Variants in SLC8B1 observed in about 807,000 individuals in gnomAD.
The protein encoded by SLC8B1 is solute carrier family 8 member B1, also known as mitochondrial sodium/calcium exchanger protein.
In SLC8B1, 52 loss-of-function variants were observed where a neutral mutation model predicts 63.4. The observed-to-expected ratio is 0.82, with a 90% CI of 0.66 to 1.03. SLC8B1 has a LOEUF of 1.03. Among genes scored for constraint, SLC8B1 ranks in the 50% least tolerant of loss-of-function variants. The probability of loss-of-function intolerance (pLI) is 0.00; values close to 1 mark genes in which losing one functional copy is unlikely to be tolerated. For synonymous variants in SLC8B1, 336 were observed against 323.9 expected, an observed-to-expected ratio of 1.04 and a Z score of -0.40; for missense variants, 657 against 741.7, an observed-to-expected ratio of 0.89 and a Z score of 1.33.
In SLC8B1 at chr12:113,334,678, C is replaced by T. The variant is rs1417818345; in HGVS notation, c.-318G>A. The stretch of plus-strand genomic sequence containing the variant: ...GCCGACGCGGTATACAATAAGAGCT[C>T]AATAAATGTTCGCGTCCCTGATGTC... On this transcript the variant is annotated 5_prime_UTR_variant, in exon 1 of 16. Transcript: ENST00000680972. 2 of 152,236 alleles carry T rather than the reference C, an allele frequency of 1.3e-5. No individual in the cohort carries two copies. The highest frequency in any genetic ancestry group is 2.9e-5 in the Non-Finnish European group (2 of 68,038). 9.4% of individuals were successfully genotyped at this position (152,236 alleles called of 1,614,324 possible). A position where few individuals can be genotyped will look rare whatever the true frequency, so the allele number is the denominator to read the frequency against.
At position 113,315,416 on chromosome 12, in the gene SLC8B1, G is replaced by A. The variant is rs1956821594; in HGVS notation, c.1054C>T (p.Gln352Ter). 1.3e-6 allele frequency: 2 copies of A among 1,594,818 alleles called. No individual in the cohort carries two copies. The highest frequency in any genetic ancestry group is 8.5e-7 in the Non-Finnish European group (1 of 1,171,014). The part of the protein sequence containing the change: ...VPVVDPDKDD[Q>*]NWKRPLNCLH... The stretch of plus-strand genomic sequence containing the variant: ...CAGTTGAGGGGCCGTTTCCAGTTCT[G>A]GTCATCCTTGTCCGGGTCCACGACG... Residue 352 changes from glutamine to a stop codon, truncating the protein, a stop_gained, in exon 11 of 16, where the codon CAG becomes TAG. Coordinates refer to ENST00000680972, the MANE Select transcript of SLC8B1 (RefSeq NM_001358345.2). LOFTEE classifies it high-confidence loss of function.
At chr12:113,303,059 C>T (rs868025359) in intron 15 of SLC8B1, among the ~76,000 whole-genome samples, 2 of 143,304 alleles carry the variant, frequency 1.4e-5, no homozygotes, top group African/African-American at 5.5e-5. Context: ...GGTAGACACA[C>T]ACACACACAC....
chr12:113,321,066 C>T lies in SLC8B1; in HGVS notation c.352G>A (p.Ala118Thr), dbSNP rs369418228. 115 of 1,612,850 alleles carry T rather than the reference C, an allele frequency of 7.1e-5. No homozygotes were observed. The highest frequency in any genetic ancestry group is 1.7e-4 in the Admixed American group (10 of 59,754). The change falls in exon 4 of 16, where the codon GCA becomes ACA. Residue 118 changes from alanine (A) to threonine (T), a missense_variant. Ala to Thr is a moderately conservative substitution (Grantham distance 58). Coordinates refer to ENST00000680972, the MANE Select transcript of SLC8B1 (RefSeq NM_001358345.2). Reference sequence around the variant, plus strand: ...CAGAGCCAAACTCACAACTTGGCTGCGGTGACTCCCAGAATCAGAAACAGG... The same window carrying T: ...CAGAGCCAAACTCACAACTTGGCTGTGGTGACTCCCAGAATCAGAAACAGG... The part of the protein sequence containing the change: ...LYLFLILGVT[A>T]AKFFCPNLSA...
intron 11 of SLC8B1, 104 bp downstream of exon 11, chr12:113,315,231 A>C: frequency 8.2e-7 from 1 of 1,215,738 alleles, no homozygotes. Flanking sequence ...GGGAGGTTGC[A>C]GTGAGCTGAG....
At chr12:113,324,610 T>C (rs1220673538) in intron 2 of SLC8B1, among the ~76,000 whole-genome samples, 1 of 152,042 alleles carries the variant, frequency 6.6e-6, no homozygotes, top group Admixed American at 6.6e-5. Context: ...TTTCACCACG[T>C]TGGCCAGGCT....
rs573322633 is a variant in SLC8B1, at chr12:113,304,265, C to T, written c.1557+56G>A. Reference sequence around the variant, plus strand: ...CAAAGCCAGGGCCTTCCTGCCCCTTCCCCATCAAGCTACATCTTGGTTATA... The same window carrying T: ...CAAAGCCAGGGCCTTCCTGCCCCTTTCCCATCAAGCTACATCTTGGTTATA... On this transcript the variant is annotated intron_variant, in intron 15 of 15. Transcript: ENST00000680972. 4.5e-6 allele frequency: 7 copies of T among 1,542,322 alleles called. No homozygotes were observed. The East Asian group carries it at 9.0e-5, about 20-fold the overall frequency.
intron 1 of SLC8B1, among the ~76,000 whole-genome samples, chr12:113,333,743 C>G (rs937867013): frequency 2.6e-5 from 4 of 152,114 alleles, no homozygotes; most frequent in African/African-American, 9.7e-5. Flanking sequence ...GAGTCTCACT[C>G]TGTTACCCAA....
chr12:113,310,238 T>G lies in SLC8B1; in HGVS notation c.1253A>C (p.His418Pro). The G allele has an allele frequency of 6.2e-7, 1 of 1,613,602 alleles. No homozygotes were observed. Among genetic ancestry groups the G allele is most frequent in the Non-Finnish European group, 8.5e-7 (1 of 1,179,822 alleles). Reference protein sequence around the residue: ...ATSDSQPPRLHWLFAFLGFLT... With the variant: ...ATSDSQPPRLPWLFAFLGFLT... ...CGGAGAACCCGGGCTTCTTACCCAG[T>G]GAAGCCTGGGGGGCTGGCTGTCAGA... The change falls in exon 12 of 16, where the codon CAC becomes CCC. Residue 418 changes from histidine to proline, a missense_variant. By Grantham distance (77) the His-to-Pro change is moderately conservative. Coordinates refer to ENST00000680972, the MANE Select transcript of SLC8B1 (RefSeq NM_001358345.2).
chr12:113,324,455 G>GGA (rs1219271663), intron 2 of SLC8B1, among the ~76,000 whole-genome samples: 3 of 136,256 alleles, frequency 2.2e-5, no homozygotes, highest in African/African-American at 8.5e-5. Flanking sequence ...CACCCAGGCT[G>GGA]GAGTACAATA....
In SLC8B1 at chr12:113,320,508, G is replaced by A. The variant is rs765738794; in HGVS notation, c.527-10C>T. ...ACCAGCACGCCAGCGCCTGGGGGGA[G>A]GAGGCCAGAGCTCAGCCACCCTGCA... On this transcript the variant is annotated splice_polypyrimidine_tract_variant and intron_variant, in intron 6 of 15. Transcript: ENST00000680972. The surrounding 1 kb of genome is among the most constrained non-coding windows in gnomAD (Gnocchi z 5.3). 8 of 1,613,882 alleles carry A rather than the reference G, an allele frequency of 5.0e-6. No homozygotes were observed. The highest frequency in any genetic ancestry group is 1.7e-5 in the Admixed American group (1 of 59,998).
chr12:113,333,022 G>A, intron 1 of SLC8B1, 62 bp from the exon 2 acceptor site: 1 of 1,022,976 alleles, frequency 9.8e-7, no homozygotes, highest in South Asian at 1.7e-5. Context: ...ACAGCAAAAG[G>A]GGCTGGAAGA....
intron 15 of SLC8B1, chr12:113,302,731 G>C: frequency 2.2e-6 from 1 of 454,060 alleles, no homozygotes; most frequent in Non-Finnish European, 4.4e-6. Flanking sequence ...AACTGACAGA[G>C]TAAGTGACAG....
intron 8 of SLC8B1, among the ~76,000 whole-genome samples, chr12:113,317,899 T>A (rs1338914804): frequency 2.0e-5 from 3 of 152,110 alleles, no homozygotes; most frequent in South Asian, 2.1e-4. Context: ...TTTTGTGTTG[T>A]GTATGGCATG....
rs112138870 is a variant in SLC8B1, at chr12:113,309,928, A to G, written c.1257+306T>C. 4.7e-3 allele frequency among the ~76,000 whole-genome samples: 715 copies of G among 152,200 alleles called. 8 individuals are homozygous for G. The highest frequency in any genetic ancestry group is 0.016 in the African/African-American group (656 of 41,506). On this transcript the variant is annotated intron_variant, in intron 12 of 15. Coordinates refer to ENST00000680972, the MANE Select transcript of SLC8B1 (RefSeq NM_001358345.2). ...CTTTTTGGGGTGATGAAATTCTCTAAAATTGATTGTGATGATTCCACAACT... is the reference window on the plus strand; with the variant it reads ...CTTTTTGGGGTGATGAAATTCTCTAGAATTGATTGTGATGATTCCACAACT...
intron 2 of SLC8B1, among the ~76,000 whole-genome samples, chr12:113,331,260 G>A (rs1957050607): frequency 6.6e-6 from 1 of 151,966 alleles, no homozygotes; most frequent in Admixed American, 6.6e-5. Context: ...GTGGTGGTGT[G>A]CACCTGTAAT....
intron 14 of SLC8B1, among the ~76,000 whole-genome samples, chr12:113,304,864 A>C (rs1159884766): frequency 6.6e-6 from 1 of 152,192 alleles, no homozygotes. Flanking sequence ...CAGGCTCCCA[A>C]AGTGCTGAGA....
chr12:113,303,716 CT>C (rs2136822970), intron 15 of SLC8B1, among the ~76,000 whole-genome samples: 1 of 152,292 alleles, frequency 6.6e-6, no homozygotes, highest in African/African-American at 2.4e-5. Context: ...CACATGCTAC[CT>C]ACCCAAATCA....
intron 11 of SLC8B1, 98 bp downstream of exon 11, chr12:113,315,237 C>T (rs1219105413): frequency 1.5e-6 from 2 of 1,296,650 alleles, no homozygotes; most frequent in African/African-American, 1.5e-5. Flanking sequence ...TTGCAGTGAG[C>T]TGAGATCGTG....
chr12:113,327,709 G>A (rs538114859), intron 2 of SLC8B1, among the ~76,000 whole-genome samples: 3 of 150,190 alleles, frequency 2.0e-5, no homozygotes, highest in South Asian at 2.1e-4. Flanking sequence ...TAGGCTGGGC[G>A]CGGTGGGTCA....
Sources: gnomAD v4.1 joint callset for allele counts (sites outside exome capture counted in the v4.1 genomes callset) on GRCh38, gnomAD v4.1.1 for gene constraint, Gnocchi (gnomAD v3.1) non-coding constraint, MANE v1.5 for transcripts, NCBI Gene and HGNC (gene_info 2026-07-23, HGNC 2026-07-21) for gene names.